RAB38: variants seen among roughly 807,000 people sequenced by gnomAD.
RAB38 encodes the protein ras-related protein Rab-38.
In RAB38, 15 loss-of-function variants were observed where a neutral mutation model predicts 18.4. The observed-to-expected ratio is 0.82, with a 90% CI of 0.55 to 1.26. The LOEUF (loss-of-function observed/expected upper bound fraction) is 1.26, where lower values mean the gene tolerates loss of function less well. Ranked by LOEUF, RAB38 falls within the 50% of genes most tolerant of loss-of-function variation. The probability of loss-of-function intolerance (pLI) is 0.00; values close to 1 mark genes in which losing one functional copy is unlikely to be tolerated. For synonymous variants in RAB38, 101 were observed against 104.4 expected (o/e 0.97, Z 0.20); for missense variants, 294 against 267.4 (o/e 1.10, Z -0.69).
the RAB38 span, among the ~76,000 whole-genome samples, chr11:87,855,082 A>G: frequency 6.6e-6 from 1 of 152,176 alleles, no homozygotes; most frequent in East Asian, 1.9e-4. Flanking sequence ...GGCATGAGCC[A>G]CCGCGCCTGG....
chr11:88,157,791 C>T (rs1943143789), intron 1 of RAB38, among the ~76,000 whole-genome samples: 1 of 151,848 alleles, frequency 6.6e-6, no homozygotes, highest in African/African-American at 2.4e-5. Flanking sequence ...TTTAAATAAA[C>T]AAAAACAGGG....
chr11:87,955,780 T>A, the RAB38 span, among the ~76,000 whole-genome samples: 8 of 152,026 alleles, frequency 5.3e-5, no homozygotes, highest in Non-Finnish European at 7.4e-5. Flanking sequence ...TATAAAATAT[T>A]GGTTTTCTAG....
At chr11:87,891,078 T>A in the RAB38 span, among the ~76,000 whole-genome samples, 1 of 151,762 alleles carries the variant, frequency 6.6e-6, no homozygotes, top group Admixed American at 6.6e-5. Flanking sequence ...ATACATTCCA[T>A]GAGAAAGAGC....
intron 1 of RAB38, chr11:88,173,917 T>C (rs1475732428): frequency 1.0e-6 from 1 of 985,282 alleles, no homozygotes; most frequent in African/African-American, 1.7e-5. Flanking sequence ...TTTCAAAAAT[T>C]TTCCACATTT....
At chr11:88,078,057 A>C in the RAB38 span, among the ~76,000 whole-genome samples, 1 of 152,152 alleles carries the variant, frequency 6.6e-6, no homozygotes, top group East Asian at 1.9e-4. Flanking sequence ...AATAGTCAAC[A>C]GGTATATTAA....
At chr11:88,049,414 C>T in the RAB38 span, among the ~76,000 whole-genome samples, 1 of 151,998 alleles carries the variant, frequency 6.6e-6, no homozygotes, top group Non-Finnish European at 1.5e-5. Flanking sequence ...AGCTCCCCCA[C>T]TGAGCACCTT....
the RAB38 span, among the ~76,000 whole-genome samples, chr11:87,966,221 T>C: frequency 1.3e-5 from 2 of 152,102 alleles, no homozygotes; most frequent in Admixed American, 6.6e-5. Flanking sequence ...GTTAATTTCA[T>C]ATAAAGAAGA....
chr11:88,052,785 G>C, the RAB38 span, among the ~76,000 whole-genome samples: 6 of 150,534 alleles, frequency 4.0e-5, no homozygotes, highest in South Asian at 1.0e-3. Flanking sequence ...CTTTCAGTTT[G>C]TGGAGTCTCT....
At chr11:87,945,026 G>C in the RAB38 span, among the ~76,000 whole-genome samples, 1 of 152,110 alleles carries the variant, frequency 6.6e-6, no homozygotes, top group Non-Finnish European at 1.5e-5. Context: ...CTCTGAACTA[G>C]CTAGACAAAT....
intron 2 of RAB38, among the ~76,000 whole-genome samples, chr11:88,130,697 G>T (rs570205175): frequency 1.3e-5 from 2 of 152,260 alleles, no homozygotes; most frequent in Non-Finnish European, 2.9e-5. Flanking sequence ...CTCAAACTGT[G>T]CCTGAAGACT....
the RAB38 span, among the ~76,000 whole-genome samples, chr11:87,882,028 A>G: frequency 6.6e-6 from 1 of 151,820 alleles, no homozygotes; most frequent in African/African-American, 2.4e-5. Context: ...CCTTTAGCAC[A>G]GTTATTGTCA....
chr11:88,008,095 T>C, the RAB38 span, among the ~76,000 whole-genome samples: 1 of 152,078 alleles, frequency 6.6e-6, no homozygotes, highest in Non-Finnish European at 1.5e-5. Flanking sequence ...GCAGTGGGCA[T>C]GGAAACTTTC....
the RAB38 span, among the ~76,000 whole-genome samples, chr11:87,854,970 A>G: frequency 1.1e-4 from 16 of 151,700 alleles, no homozygotes; most frequent in African/African-American, 3.4e-4. Flanking sequence ...AATTTTTTGT[A>G]TTTTTTAGTA....
At chr11:88,138,038 C>T (rs760353437) in intron 2 of RAB38, among the ~76,000 whole-genome samples, 3 of 152,104 alleles carry the variant, frequency 2.0e-5, no homozygotes, top group Admixed American at 6.6e-5. Flanking sequence ...TAAGCAGCAG[C>T]AGGAGGCTAT....
the RAB38 span, among the ~76,000 whole-genome samples, chr11:87,931,039 G>T: frequency 1.3e-5 from 2 of 152,086 alleles, no homozygotes; most frequent in Admixed American, 6.6e-5. Flanking sequence ...GATTGACTTG[G>T]CAATGCGGGT....
At chr11:87,944,501 C>T in the RAB38 span, among the ~76,000 whole-genome samples, 2 of 152,112 alleles carry the variant, frequency 1.3e-5, no homozygotes, top group African/African-American at 2.4e-5. Context: ...CAGCTCTGTG[C>T]TGAATCCTCT....
the RAB38 span, among the ~76,000 whole-genome samples, chr11:88,105,603 T>C: frequency 6.6e-6 from 1 of 152,208 alleles, no homozygotes; most frequent in East Asian, 1.9e-4. Flanking sequence ...TGATTCTATG[T>C]ATAGGTTATG....
At chr11:87,897,116 G>T in the RAB38 span, among the ~76,000 whole-genome samples, 2 of 151,418 alleles carry the variant, frequency 1.3e-5, no homozygotes, top group South Asian at 4.2e-4. Flanking sequence ...AATAGAATAA[G>T]AACATGTAAA....
chr11:87,964,411 C>T, the RAB38 span, among the ~76,000 whole-genome samples: 1 of 152,086 alleles, frequency 6.6e-6, no homozygotes, highest in Non-Finnish European at 1.5e-5. Flanking sequence ...TGTGGAAGGT[C>T]TCTTGAGGCC....
Sources: gnomAD v4.1 joint callset for allele counts (sites outside exome capture counted in the v4.1 genomes callset) on GRCh38, gnomAD v4.1.1 for gene constraint, MANE v1.5 for transcripts, NCBI Gene and HGNC (gene_info 2026-07-23, HGNC 2026-07-21) for gene names.